VPS13B: variants seen among roughly 807,000 people sequenced by gnomAD.
The protein encoded by VPS13B is vacuolar protein sorting 13 homolog B.
A neutral mutation model predicts 426.4 loss-of-function variants in VPS13B; 285 were observed. The ratio of observed to expected loss-of-function variants is 0.67; its 90% CI spans 0.61 to 0.74. The LOEUF (loss-of-function observed/expected upper bound fraction) is 0.74. VPS13B is among the 30% of genes least tolerant of loss of function. The pLI is 0.00. For missense variants in VPS13B, 4,537 were observed against 4,782.6 expected, an observed-to-expected ratio of 0.95 and a Z score of 1.51; for synonymous variants, 1,676 against 1,676.4, an observed-to-expected ratio of 1.00 and a Z score of 0.01.
intron 40 of VPS13B, 74 bp from the exon 41 acceptor site, chr8:99,776,701 T>C (rs1811758564): frequency 1.4e-6 from 2 of 1,416,960 alleles, no homozygotes; most frequent in Non-Finnish European, 1.0e-6. Flanking sequence ...GAAACCCTTA[T>C]AAAAAGACGT....
intron 19 of VPS13B, among the ~76,000 whole-genome samples, chr8:99,284,019 C>T (rs1407035731): frequency 6.6e-6 from 1 of 151,958 alleles, no homozygotes; most frequent in Non-Finnish European, 1.5e-5. Flanking sequence ...AACTATTTGC[C>T]ATATGCATTT....
chr8:99,745,740 TAGTAATTATC>T (rs1299261006), intron 39 of VPS13B, among the ~76,000 whole-genome samples: 19 of 152,108 alleles, frequency 1.2e-4, no homozygotes, highest in Non-Finnish European at 2.2e-4. Context: ...AACCCATCTT[TAGTAATTATC>T]AGTATCTTGT....
At chr8:99,623,937 G>C (rs1828475911) in intron 33 of VPS13B, among the ~76,000 whole-genome samples, 1 of 150,012 alleles carries the variant, frequency 6.7e-6, no homozygotes. Flanking sequence ...ATGTGAAAGG[G>C]GCTCACATTT....
intron 3 of VPS13B, among the ~76,000 whole-genome samples, chr8:99,066,378 C>G (rs1232527140): frequency 6.6e-6 from 1 of 152,114 alleles, no homozygotes; most frequent in Non-Finnish European, 1.5e-5. Flanking sequence ...CTTTGACAAA[C>G]CTGAGAAAAA....
intron 19 of VPS13B, among the ~76,000 whole-genome samples, chr8:99,365,516 C>CTTTTTT (rs1554754985): frequency 2.0e-5 from 2 of 102,392 alleles, no homozygotes; most frequent in Non-Finnish European, 1.8e-5. Context: ...TCTTCTTCTT[C>CTTTTTT]TTTTTTTTTT....
At chr8:99,270,123 A>G (rs1271426140) in intron 17 of VPS13B, among the ~76,000 whole-genome samples, 1 of 39,882 alleles carries the variant, frequency 2.5e-5, no homozygotes, top group East Asian at 1.0e-3. Flanking sequence ...TATATAAGAT[A>G]TAAGAATCTT....
At chr8:99,473,651 GT>G in intron 24 of VPS13B, among the ~76,000 whole-genome samples, 1 of 152,220 alleles carries the variant, frequency 6.6e-6, no homozygotes, top group Non-Finnish European at 1.5e-5. Context: ...TCATACTAGA[GT>G]TCCTAACCAT....
chr8:99,159,298 A>G (rs1253389103), intron 15 of VPS13B, among the ~76,000 whole-genome samples: 1 of 152,218 alleles, frequency 6.6e-6, no homozygotes, highest in East Asian at 1.9e-4. Flanking sequence ...CTCCTGGGGA[A>G]GATGCTGGGA....
At chr8:99,547,578 C>G (rs1824055186) in intron 30 of VPS13B, among the ~76,000 whole-genome samples, 1 of 151,946 alleles carries the variant, frequency 6.6e-6, no homozygotes, top group South Asian at 2.1e-4. Flanking sequence ...CTTATGTAAA[C>G]ATACAAAAGG....
rs558327564 is a variant in VPS13B, at chr8:99,488,844, T to C, written c.3870+7042T>C. Among the ~76,000 whole-genome samples the C allele has an allele frequency of 1.2e-3, 190 of 152,336 alleles. 2 individuals carry two copies. Among genetic ancestry groups the C allele is most frequent in the African/African-American group, 4.3e-3 (179 of 41,578 alleles). On this transcript the variant is annotated intron_variant, in intron 25 of 61. Coordinates refer to ENST00000357162, the MANE Select transcript of VPS13B (RefSeq NM_152564.5). ...CCCATTCTGTAGGTTGCCTGTTCAC[T>C]CTGATGAGAGTTTCTTTTGCTGTGC...
At chr8:99,536,152 T>C (rs1248069402) in intron 30 of VPS13B, among the ~76,000 whole-genome samples, 4 of 152,098 alleles carry the variant, frequency 2.6e-5, no homozygotes. Context: ...TTTCACCATA[T>C]TGGTCAGGCT....
intron 33 of VPS13B, among the ~76,000 whole-genome samples, chr8:99,602,268 T>G (rs7838809): frequency 0.14 from 20,884 of 152,204 alleles, 1,988 homozygotes; most frequent in East Asian, 0.39. Flanking sequence ...CTTTCTCCAT[T>G]GCTTGTTTTT....
intron 19 of VPS13B, among the ~76,000 whole-genome samples, chr8:99,334,933 G>C (rs1342852133): frequency 6.6e-6 from 1 of 152,104 alleles, no homozygotes; most frequent in Admixed American, 6.6e-5. Flanking sequence ...AGAAGGAATG[G>C]TACCAGCTCC....
chr8:99,721,718 T>A (rs530146207), intron 39 of VPS13B, among the ~76,000 whole-genome samples: 5 of 152,058 alleles, frequency 3.3e-5, no homozygotes, highest in African/African-American at 1.2e-4. Flanking sequence ...AATCTACAGG[T>A]CATTCCTGAT....
chr8:99,320,838 CT>C (rs1219875274), intron 19 of VPS13B, among the ~76,000 whole-genome samples: 16 of 152,188 alleles, frequency 1.1e-4, no homozygotes, highest in African/African-American at 3.9e-4. Flanking sequence ...TTTCTACCTA[CT>C]TTCTCTTCTT....
At chr8:99,312,960 C>T (rs182260463) in intron 19 of VPS13B, among the ~76,000 whole-genome samples, 52 of 152,300 alleles carry the variant, frequency 3.4e-4, no homozygotes, top group African/African-American at 6.5e-4. Flanking sequence ...TTGATCGAAT[C>T]GGCTAAGGAA....
intron 16 of VPS13B, among the ~76,000 whole-genome samples, chr8:99,185,762 G>T (rs140503137): frequency 1.3e-5 from 2 of 152,028 alleles, no homozygotes; most frequent in Non-Finnish European, 2.9e-5. Flanking sequence ...TCTTTGCATC[G>T]AGTAGTAAGA....
intron 39 of VPS13B, among the ~76,000 whole-genome samples, chr8:99,738,942 G>C (rs1833948757): frequency 6.6e-6 from 1 of 152,198 alleles, no homozygotes; most frequent in Non-Finnish European, 1.5e-5. Flanking sequence ...TGAGGTACCA[G>C]GTTCATCTCA....
At position 99,642,030 on chromosome 8, in the gene VPS13B, A is replaced by G. The variant is rs1268194304; in HGVS notation, c.5440A>G (p.Ile1814Val). ...AAATCTAAATTTTATTCCCTTTGAC[A>G]TATTTATTACTGCAAGTAGAATCTC... ...VKNLNFIPFDIFITASRISLM... is the reference protein window; with the variant it reads ...VKNLNFIPFDVFITASRISLM... The change falls in exon 34 of 62, where the codon ATA becomes GTA. Residue 1814 changes from isoleucine (I) to valine (V), a missense_variant. Coordinates refer to ENST00000357162, the MANE Select transcript of VPS13B (RefSeq NM_152564.5). 8 of 1,614,056 alleles carry G rather than the reference A, an allele frequency of 5.0e-6. No individual in the cohort carries two copies. Among genetic ancestry groups the G allele is most frequent in the South Asian group, 2.2e-5 (2 of 91,082 alleles).
Sources: gnomAD v4.1 joint callset for allele counts (sites outside exome capture counted in the v4.1 genomes callset) on GRCh38, gnomAD v4.1.1 for gene constraint, MANE v1.5 for transcripts, NCBI Gene and HGNC (gene_info 2026-07-23, HGNC 2026-07-21) for gene names.